FGF13: variants seen among roughly 807,000 people sequenced by gnomAD.
The protein encoded by FGF13 is fibroblast growth factor 13, also known as fibroblast growth factor homologous factor 2.
Under a neutral mutation model 19.5 loss-of-function variants are expected in FGF13, and 2 were observed. That is an observed-to-expected ratio of 0.10 (90% CI 0.04 to 0.32). The LOEUF is 0.32. Among genes scored for constraint, FGF13 ranks in the 10% least tolerant of loss-of-function variants. FGF13 has a pLI of 1.00. For missense variants in FGF13, 113 were observed against 192.7 expected (o/e 0.59, Z 2.45); for synonymous variants, 72 against 76.9 (o/e 0.94, Z 0.33).
chrX:139,192,230 G>C (rs2084336669), intron 1 of FGF13, among the ~76,000 whole-genome samples: 1 of 112,132 alleles, frequency 8.9e-6, no homozygotes, highest in Admixed American at 9.4e-5. Context: ...GCTGGTCCTA[G>C]ACATCAGGGC....
chrX:138,708,992 G>A, intron 1 of FGF13, 64 bp from the exon 2 acceptor site: 1 of 567,403 alleles, frequency 1.8e-6, no homozygotes, highest in South Asian at 4.3e-5. Context: ...AAAAGACTAG[G>A]AATTTCAATT....
intron 3 of FGF13, among the ~76,000 whole-genome samples, chrX:138,668,037 T>C (rs956151351): frequency 9.0e-6 from 1 of 111,619 alleles, no homozygotes; most frequent in Non-Finnish European, 1.9e-5. Context: ...AGGATTTCCA[T>C]AGTCTTCCAA....
At chrX:138,823,799 C>T (rs1382088221) in intron 3 of FGF13, among the ~76,000 whole-genome samples, 3 of 111,831 alleles carry the variant, frequency 2.7e-5, no homozygotes, top group Non-Finnish European at 5.6e-5. Flanking sequence ...ACTGTTTCAT[C>T]GGATCCTCAA....
intron 4 of FGF13, 80 bp from the exon 5 acceptor site, chrX:138,633,066 G>A (rs892656043): frequency 1.9e-6 from 2 of 1,051,594 alleles, no homozygotes; most frequent in Non-Finnish European, 2.6e-6. Flanking sequence ...TAGTTTGTAG[G>A]TGTTCTATTC....
At chrX:138,795,492 G>A (rs2090771421) in intron 3 of FGF13, among the ~76,000 whole-genome samples, 1 of 111,844 alleles carries the variant, frequency 8.9e-6, no homozygotes, top group Non-Finnish European at 1.9e-5. Context: ...GCAGGTCTGG[G>A]ACAGGTGAGT....
Position 138,630,289 on chromosome X carries a change from TC to T in FGF13, c.*2560del, listed in dbSNP as rs1379534381. 1 of 110,989 alleles carries T rather than the reference TC, an allele frequency of 9.0e-6. No individual in the cohort carries two copies. Among genetic ancestry groups the T allele is most frequent in the Non-Finnish European group, 1.9e-5 (1 of 53,070 alleles). The allele number at this position is 110,989 out of a possible 1,213,427, so 9.1% of individuals were successfully genotyped here. On this transcript the variant is annotated 3_prime_UTR_variant, in exon 5 of 5. Transcript: ENST00000315930. The stretch of plus-strand genomic sequence containing the variant: ...TTACTACCAGCAGACCTACACTATT[TC>T]TGAACAACAGAAAAAGCAAGACCAG...
At chrX:138,793,055 TAAG>T (rs2090753863) in intron 3 of FGF13, among the ~76,000 whole-genome samples, 1 of 111,106 alleles carries the variant, frequency 9.0e-6, no homozygotes, top group Non-Finnish European at 1.9e-5. Context: ...AGAAGACACA[TAAG>T]AAGAGGAAGT....
chrX:139,159,741 G>T (rs1429274166), intron 1 of FGF13, among the ~76,000 whole-genome samples: 1 of 105,394 alleles, frequency 9.5e-6, no homozygotes, highest in Non-Finnish European at 1.9e-5. Flanking sequence ...AAAAGACAAA[G>T]AAGGGCATTA....
At chrX:139,116,901 G>A (rs1444997170) in intron 1 of FGF13, among the ~76,000 whole-genome samples, 1 of 111,357 alleles carries the variant, frequency 9.0e-6, no homozygotes, top group Non-Finnish European at 1.9e-5. Flanking sequence ...AGAAAGTAAA[G>A]CAGCCCACTT....
intron 3 of FGF13, among the ~76,000 whole-genome samples, chrX:138,746,543 G>A (rs1250272857): frequency 8.9e-6 from 1 of 112,024 alleles, no homozygotes; most frequent in East Asian, 2.8e-4. Context: ...CCAACACAAT[G>A]CAGATGGACC....
intron 1 of FGF13, among the ~76,000 whole-genome samples, chrX:138,918,282 T>G (rs2091628542): frequency 9.0e-6 from 1 of 111,449 alleles, no homozygotes; most frequent in Non-Finnish European, 1.9e-5. Flanking sequence ...ACTTTGGTTT[T>G]CCTTCACTCT....
At position 138,626,781 on chromosome X, in the gene FGF13, T is replaced by G. The variant is rs1314560814; in HGVS notation, c.*6069A>C. ...TAGGGTAGTGTTTGTTCTGTGTATA[T>G]CTGGCACTAAATATGTTGGTAAATA... On this transcript the variant is annotated 3_prime_UTR_variant, in exon 5 of 5. Transcript: ENST00000315930. The G allele has an allele frequency of 8.9e-6, 1 of 111,832 alleles. No individual in the cohort carries two copies. The highest frequency in any genetic ancestry group is 1.9e-5 in the Non-Finnish European group (1 of 53,210). 9.2% of individuals were successfully genotyped at this position (111,832 alleles called of 1,213,427 possible). A position where few individuals can be genotyped will look rare whatever the true frequency, so the allele number is the denominator to read the frequency against.
At chrX:138,705,151 T>A (rs1258586389) in intron 2 of FGF13, among the ~76,000 whole-genome samples, 1 of 112,169 alleles carries the variant, frequency 8.9e-6, no homozygotes, top group Non-Finnish European at 1.9e-5. Flanking sequence ...AATATCAGTA[T>A]ATGCTTGACA....
chrX:139,072,932 G>A (rs551129646), intron 1 of FGF13, among the ~76,000 whole-genome samples: 16 of 111,308 alleles, frequency 1.4e-4, no homozygotes, highest in South Asian at 3.8e-4. Context: ...TGCATTTTGC[G>A]TGATTTCTTC....
chrX:139,204,363 G>C, upstream of FGF13: 1 of 276,926 alleles, frequency 3.6e-6, no homozygotes. Context: ...GGCCGCGGGA[G>C]GAGCCGCTCG....
chrX:138,639,933 C>T (rs2089230810), intron 3 of FGF13, among the ~76,000 whole-genome samples: 1 of 109,940 alleles, frequency 9.1e-6, no homozygotes, highest in African/African-American at 3.3e-5. Flanking sequence ...GCAGAGGCTG[C>T]AGTGAGCCGA....
intron 3 of FGF13, among the ~76,000 whole-genome samples, chrX:138,675,019 A>G (rs2089651019): frequency 9.0e-6 from 1 of 111,717 alleles, no homozygotes; most frequent in Admixed American, 9.5e-5. Flanking sequence ...CAATCAAGGG[A>G]GAACTAAAGA....
At chrX:138,925,969 G>T (rs2091671565) in intron 1 of FGF13, among the ~76,000 whole-genome samples, 1 of 111,776 alleles carries the variant, frequency 8.9e-6, no homozygotes, top group South Asian at 3.8e-4. Flanking sequence ...TTTTGGATGA[G>T]GGCCTTTGCA....
intron 1 of FGF13, among the ~76,000 whole-genome samples, chrX:139,028,522 T>C (rs2092209372): frequency 9.1e-6 from 1 of 110,497 alleles, no homozygotes; most frequent in African/African-American, 3.3e-5. Context: ...TCTTTTGTTA[T>C]AGGTCCTGAA....
Sources: gnomAD v4.1 joint callset for allele counts (sites outside exome capture counted in the v4.1 genomes callset) on GRCh38, gnomAD v4.1.1 for gene constraint, MANE v1.5 for transcripts, NCBI Gene and HGNC (gene_info 2026-07-23, HGNC 2026-07-21) for gene names.